The following NLGN4X variants were observed in gnomAD, a reference collection of about 807,000 sequenced individuals.
The protein encoded by NLGN4X is neuroligin 4 X-linked, also known as neuroligin-4, X-linked.
NLGN4X carries 3 observed loss-of-function variants against 40.3 expected under a neutral mutation model. The observed-to-expected ratio is 0.07, with a 90% CI of 0.03 to 0.19. NLGN4X has a LOEUF of 0.19. Ranked by LOEUF, NLGN4X falls within the 10% of genes least tolerant of loss-of-function variation. NLGN4X has a pLI of 1.00. For synonymous variants in NLGN4X, 270 were observed against 306.8 expected, an observed-to-expected ratio of 0.88 and a Z score of 1.25; for missense variants, 382 against 708.3, an observed-to-expected ratio of 0.54 and a Z score of 5.23.
intron 3 of NLGN4X, among the ~76,000 whole-genome samples, chrX:5,930,881 C>T (rs901387181): frequency 6.3e-5 from 7 of 111,939 alleles, no homozygotes; most frequent in Admixed American, 5.7e-4. Flanking sequence ...CTAGCTCATC[C>T]TTCCCTGTTG....
At position 6,220,009 on chromosome X, in the gene NLGN4X, CT is replaced by C. The variant is rs1316308968; in HGVS notation, c.-306+8531del. On this transcript the variant is annotated intron_variant, in intron 1 of 5. Coordinates refer to ENST00000381095, the MANE Select transcript of NLGN4X (RefSeq NM_181332.3). ...ACAAAAACATACAGGCACCTGTGAG[CT>C]TTTTTTTTTTTTATGTGGTAGTGGA... Among the ~76,000 whole-genome samples the C allele has an allele frequency of 2.7e-3, 271 of 99,121 alleles. 3 individuals are homozygous for C. In the East Asian group the frequency reaches 0.028, roughly 10 times the overall value. The allele number at this position is 99,121 out of a possible 115,157, so 86.1% of individuals were successfully genotyped here.
intron 3 of NLGN4X, among the ~76,000 whole-genome samples, chrX:6,023,794 A>C (rs2036612912): frequency 8.9e-6 from 1 of 112,442 alleles, no homozygotes; most frequent in Admixed American, 9.4e-5. Context: ...ATCACCAAAA[A>C]GGTGATAGTA....
At chrX:6,039,360 C>T (rs2147253704) in intron 2 of NLGN4X, among the ~76,000 whole-genome samples, 1 of 111,305 alleles carries the variant, frequency 9.0e-6, no homozygotes, top group South Asian at 3.8e-4. Flanking sequence ...AGAGAACTCA[C>T]TCCAAATCAA....
chrX:6,050,581 CCTTT>C (rs1437856352), intron 2 of NLGN4X, among the ~76,000 whole-genome samples: 1 of 99,596 alleles, frequency 1.0e-5, no homozygotes, highest in Non-Finnish European at 2.1e-5. Flanking sequence ...TATCTATCTG[CCTTT>C]CTATCATTTA....
At position 6,019,684 on chromosome X, in the gene NLGN4X, T is replaced by C. The variant is rs6639574; in HGVS notation, c.625+9596A>G. 2.7e-3 allele frequency among the ~76,000 whole-genome samples: 304 copies of C among 110,782 alleles called. 15 individuals carry two copies. In the East Asian group the frequency reaches 0.075, roughly 28 times the overall value. The stretch of plus-strand genomic sequence containing the variant: ...TTAAAGCACAACTTATGTCCTTCTG[T>C]CCCCAAGGAGAAAGAGGGCACGTCA... On this transcript the variant is annotated intron_variant, in intron 3 of 5. Transcript: ENST00000381095.
intron 2 of NLGN4X, among the ~76,000 whole-genome samples, chrX:6,133,591 T>C (rs1047033163): frequency 1.2e-4 from 13 of 111,971 alleles, no homozygotes; most frequent in African/African-American, 4.2e-4. Flanking sequence ...CATGAATATG[T>C]ACATATATAA....
At chrX:5,961,776 T>C (rs2034670579) in intron 3 of NLGN4X, among the ~76,000 whole-genome samples, 1 of 112,215 alleles carries the variant, frequency 8.9e-6, no homozygotes, top group African/African-American at 3.2e-5. Context: ...CATTTCAAAC[T>C]TTAAACATAT....
At chrX:6,021,268 A>G (rs900209476) in intron 3 of NLGN4X, among the ~76,000 whole-genome samples, 1 of 108,010 alleles carries the variant, frequency 9.3e-6, no homozygotes, top group Non-Finnish European at 1.9e-5. Flanking sequence ...TGCCCAATAA[A>G]TACCGTTCCA....
At chrX:6,212,956 T>C (rs1207157574) in intron 1 of NLGN4X, among the ~76,000 whole-genome samples, 2 of 112,254 alleles carry the variant, frequency 1.8e-5, no homozygotes, top group East Asian at 2.8e-4. Flanking sequence ...GAGACCCATC[T>C]TTCTTAGAGA....
intron 2 of NLGN4X, among the ~76,000 whole-genome samples, chrX:6,049,574 G>T (rs1226333904): frequency 1.8e-5 from 2 of 109,322 alleles, no homozygotes; most frequent in African/African-American, 6.7e-5. Context: ...TCCATCTGAG[G>T]GTTTTCTCAT....
intron 3 of NLGN4X, among the ~76,000 whole-genome samples, chrX:6,005,378 G>A (rs1180686592): frequency 9.0e-6 from 1 of 111,608 alleles, no homozygotes; most frequent in Non-Finnish European, 1.9e-5. Context: ...GGTGCCAACT[G>A]TCATCAATAT....
At chrX:6,196,352 C>T (rs758381454) in intron 1 of NLGN4X, among the ~76,000 whole-genome samples, 2 of 110,170 alleles carry the variant, frequency 1.8e-5, no homozygotes, top group East Asian at 5.7e-4. Context: ...GAGATCAAGA[C>T]CGTCCTGGCT....
chrX:6,196,378 T>C (rs917789093), intron 1 of NLGN4X, among the ~76,000 whole-genome samples: 7 of 109,306 alleles, frequency 6.4e-5, no homozygotes, highest in East Asian at 5.8e-4. Flanking sequence ...GGTTTAACCC[T>C]GTCTCTACTA....
intron 2 of NLGN4X, among the ~76,000 whole-genome samples, chrX:6,046,428 A>G (rs2037319488): frequency 3.6e-5 from 4 of 111,791 alleles, no homozygotes; most frequent in Non-Finnish European, 7.5e-5. Flanking sequence ...TTTGAATACA[A>G]TAAAGTCATT....
At position 6,209,506 on chromosome X, in the gene NLGN4X, G is replaced by A. The variant is rs781172559; in HGVS notation, c.-306+19035C>T. Among the ~76,000 whole-genome samples, 59 of 111,720 alleles carry A rather than the reference G, an allele frequency of 5.3e-4. 2 individuals are homozygous for A. The highest frequency in any genetic ancestry group is 1.1e-4 in the Non-Finnish European group (6 of 53,185). On this transcript the variant is annotated intron_variant, in intron 1 of 5. Coordinates refer to ENST00000381095, the MANE Select transcript of NLGN4X (RefSeq NM_181332.3). ...CAACAAAGAATTATCCAGCCTCAAC[G>A]TCAAGAGCACCAAAGTTAGTAAATC...
intron 3 of NLGN4X, among the ~76,000 whole-genome samples, chrX:6,004,819 A>C (rs1203362382): frequency 8.9e-6 from 1 of 111,937 alleles, no homozygotes; most frequent in East Asian, 2.8e-4. Context: ...AATATTCAGT[A>C]ATATTTTCTC....
At chrX:5,920,166 C>T (rs528846627) in intron 3 of NLGN4X, among the ~76,000 whole-genome samples, 9 of 111,853 alleles carry the variant, frequency 8.0e-5, no homozygotes, top group South Asian at 7.5e-4. Flanking sequence ...AAAAGAATTA[C>T]GAGTTGCGAA....
chrX:6,227,479 G>T (rs932174909), intron 1 of NLGN4X, among the ~76,000 whole-genome samples: 4 of 109,174 alleles, frequency 3.7e-5, no homozygotes, highest in Non-Finnish European at 5.7e-5. Flanking sequence ...GGGCAGTTCA[G>T]AGATGGTTCC....
At chrX:6,081,355 G>A (rs892874594) in intron 2 of NLGN4X, among the ~76,000 whole-genome samples, 24 of 112,103 alleles carry the variant, frequency 2.1e-4, no homozygotes, top group African/African-American at 7.1e-4. Context: ...GGTCTCAAGC[G>A]ATTTTCCTGC....
Sources: gnomAD v4.1 joint callset for allele counts (sites outside exome capture counted in the v4.1 genomes callset) on GRCh38, gnomAD v4.1.1 for gene constraint, MANE v1.5 for transcripts, NCBI Gene and HGNC (gene_info 2026-07-23, HGNC 2026-07-21) for gene names.